ARHGAP40: variants seen among roughly 807,000 people sequenced by gnomAD.
ARHGAP40 encodes rho GTPase-activating protein 40.
A neutral mutation model predicts 73.5 loss-of-function variants in ARHGAP40; 43 were observed. The observed-to-expected ratio is 0.58, with a 90% confidence interval of 0.46 to 0.75. The LOEUF is 0.75. ARHGAP40 is among the 30% of genes least tolerant of loss of function. ARHGAP40 has a pLI of 0.00. For missense variants in ARHGAP40, 734 were observed against 861.8 expected, an observed-to-expected ratio of 0.85 and a Z score of 1.86; for synonymous variants, 300 against 352.8, an observed-to-expected ratio of 0.85 and a Z score of 1.68.
chr20:38,602,004 C>T (rs1390491276), exon 1 of ARHGAP40: 17 of 1,287,734 alleles, frequency 1.3e-5, no homozygotes, highest in Non-Finnish European at 1.7e-5. Flanking sequence ...GGGCCCCTAG[C>T]CTCACCGTGT....
intron 5 of ARHGAP40, among the ~76,000 whole-genome samples, chr20:38,631,987 A>G (rs1359353266): frequency 6.6e-6 from 1 of 152,070 alleles, no homozygotes; most frequent in Non-Finnish European, 1.5e-5. Flanking sequence ...CTTTTTTGAA[A>G]CAGTCTCACT....
intron 13 of ARHGAP40, among the ~76,000 whole-genome samples, 187 bp downstream of exon 13, chr20:38,647,313 C>T (rs528774705): frequency 1.3e-5 from 2 of 152,154 alleles, no homozygotes; most frequent in Non-Finnish European, 2.9e-5. Flanking sequence ...TGATGACCAC[C>T]ACTCACTCAT....
intron 6 of ARHGAP40, among the ~76,000 whole-genome samples, chr20:38,635,837 C>T (rs1359850371): frequency 6.6e-6 from 1 of 152,102 alleles, no homozygotes; most frequent in Non-Finnish European, 1.5e-5. Flanking sequence ...CAAACAACCC[C>T]CAAACTCATG....
chr20:38,641,612 G>T (rs915020784), intron 9 of ARHGAP40, 114 bp from the exon 10 acceptor site: 2 of 664,570 alleles, frequency 3.0e-6, no homozygotes, highest in Non-Finnish European at 4.4e-6. Flanking sequence ...TGAAAAAAGG[G>T]ATTCCTGGCT....
rs192210580 is a variant in ARHGAP40, at chr20:38,638,723, C to T, written c.1042-38C>T. ...CACCATTTTGAATCCTGCTTTTCAGCGGTTCCTGGTTTAAATGCTGGTTTC... is the reference window on the plus strand; with the variant it reads ...CACCATTTTGAATCCTGCTTTTCAGTGGTTCCTGGTTTAAATGCTGGTTTC... On this transcript the variant is annotated intron_variant, in intron 7 of 14. Transcript: ENST00000373345. The T allele has an allele frequency of 6.8e-4, 870 of 1,281,856 alleles. 10 individuals are homozygous for T. The highest frequency in any genetic ancestry group is 5.4e-5 in the Non-Finnish European group (52 of 967,796). The allele number at this position is 1,281,856 out of a possible 1,614,324, so 79.4% of individuals were successfully genotyped here. A position where few individuals can be genotyped will look rare whatever the true frequency, so the allele number is the denominator to read the frequency against.
intron 5 of ARHGAP40, among the ~76,000 whole-genome samples, chr20:38,633,950 C>T (rs1297150297): frequency 6.6e-6 from 1 of 152,198 alleles, no homozygotes; most frequent in Non-Finnish European, 1.5e-5. Flanking sequence ...TTCTCCAGGT[C>T]CTCTTGTGGA....
intron 1 of ARHGAP40, chr20:38,615,532 C>T (rs905946353): frequency 3.4e-5 from 21 of 609,150 alleles, no homozygotes; most frequent in South Asian, 6.4e-5. Context: ...TTCAGTGTCC[C>T]GGAGGAGGTG....
At chr20:38,618,558 G>A (rs1222909480) in intron 1 of ARHGAP40, among the ~76,000 whole-genome samples, 1 of 152,170 alleles carries the variant, frequency 6.6e-6, no homozygotes, top group Middle Eastern at 3.2e-3. Flanking sequence ...GATGTCTGGG[G>A]TATCACCTGG....
At chr20:38,625,114 C>G (rs2088892108) in intron 2 of ARHGAP40, among the ~76,000 whole-genome samples, 1 of 152,254 alleles carries the variant, frequency 6.6e-6, no homozygotes, top group Non-Finnish European at 1.5e-5. Flanking sequence ...ATGCAGACCT[C>G]CTAAGGGCCT....
chr20:38,647,004 C>A (rs1431812699), exon 13 of ARHGAP40: 12 of 1,305,492 alleles, frequency 9.2e-6, no homozygotes, highest in African/African-American at 1.5e-5. Flanking sequence ...TCAAGGACCC[C>A]TTGAAGGTGC....
chr20:38,608,457 G>A (rs762590580), intron 1 of ARHGAP40, among the ~76,000 whole-genome samples: 11 of 152,214 alleles, frequency 7.2e-5, no homozygotes, highest in East Asian at 1.9e-4. Context: ...CTCGTTGGTC[G>A]GAAGGCAGCC....
At chr20:38,633,396 CTG>C (rs2088953703) in intron 5 of ARHGAP40, among the ~76,000 whole-genome samples, 1 of 152,226 alleles carries the variant, frequency 6.6e-6, no homozygotes, top group Admixed American at 6.5e-5. Flanking sequence ...TTAGTGATAA[CTG>C]TGTTAATAAA....
intron 10 of ARHGAP40, among the ~76,000 whole-genome samples, chr20:38,642,790 T>G (rs948644638): frequency 6.6e-6 from 1 of 152,162 alleles, no homozygotes; most frequent in Non-Finnish European, 1.5e-5. Flanking sequence ...ACTGGCTATA[T>G]GACTCTTGGC....
intron 6 of ARHGAP40, 64 bp downstream of exon 6, chr20:38,634,849 C>A: frequency 8.4e-7 from 1 of 1,188,754 alleles, no homozygotes; most frequent in Non-Finnish European, 1.1e-6. Flanking sequence ...TGAACACGGA[C>A]TCTCCCAGCA....
intron 3 of ARHGAP40, among the ~76,000 whole-genome samples, chr20:38,627,550 TGTGTTGGG>T (rs2088908266): frequency 2.0e-5 from 3 of 148,402 alleles, no homozygotes; most frequent in South Asian, 2.2e-4. Flanking sequence ...TGTGTTGGTG[TGTGTTGGG>T]GTATGTGTGT....
intron 5 of ARHGAP40, among the ~76,000 whole-genome samples, 158 bp downstream of exon 5, chr20:38,629,808 GC>G: frequency 6.6e-6 from 1 of 152,322 alleles, no homozygotes; most frequent in African/African-American, 2.4e-5. Flanking sequence ...CTGAGTGACC[GC>G]TGGGTATCAA....
intron 6 of ARHGAP40, among the ~76,000 whole-genome samples, chr20:38,635,859 C>T (rs560088780): frequency 1.2e-4 from 18 of 152,238 alleles, no homozygotes; most frequent in Admixed American, 1.1e-3. Flanking sequence ...CTTAAGAATT[C>T]TTTACTCTTG....
rs1386757303 is a variant in ARHGAP40 at position 38,646,729 on chromosome 20, C to T, written c.1711-228C>T. On this transcript the variant is annotated intron_variant, in intron 12 of 14. Coordinates refer to ENST00000373345, the Ensembl canonical transcript of ARHGAP40. This position sits in a 1 kb window ranked among gnomAD's most constrained non-coding sequence, Gnocchi z 4.5. Reference sequence around the variant, plus strand: ...ACTCCTGCTGTGTGTACAAGTGCACCGACACAGGCATAGAAACACAAACAT... The same window carrying T: ...ACTCCTGCTGTGTGTACAAGTGCACTGACACAGGCATAGAAACACAAACAT... 2.0e-5 allele frequency among the ~76,000 whole-genome samples: 3 copies of T among 151,976 alleles called. No individual in the cohort carries two copies. Among genetic ancestry groups the T allele is most frequent in the Admixed American group, 6.6e-5 (1 of 15,260 alleles).
At chr20:38,608,670 G>T (rs1212322199) in intron 1 of ARHGAP40, among the ~76,000 whole-genome samples, 3 of 152,120 alleles carry the variant, frequency 2.0e-5, no homozygotes, top group Non-Finnish European at 4.4e-5. Context: ...GGTGACTTAG[G>T]GCCACAAATT....
Sources: gnomAD v4.1 joint callset for allele counts (sites outside exome capture counted in the v4.1 genomes callset) on GRCh38, gnomAD v4.1.1 for gene constraint, Gnocchi (gnomAD v3.1) non-coding constraint, MANE v1.5 for transcripts, NCBI Gene and HGNC (gene_info 2026-07-23, HGNC 2026-07-21) for gene names.